Variants in SEC16A observed in about 807,000 individuals in gnomAD.
SEC16A encodes the protein protein transport protein Sec16A.
Under a neutral mutation model 221.9 loss-of-function variants are expected in SEC16A, and 110 were observed. That is an observed-to-expected ratio of 0.50 (90% CI 0.42 to 0.58). The LOEUF is 0.58. Ranked by LOEUF, SEC16A falls within the 20% of genes least tolerant of loss-of-function variation. SEC16A has a pLI of 0.00. For synonymous variants in SEC16A, 1,393 were observed against 1,257.7 expected (o/e 1.11, Z -2.28); for missense variants, 3,165 against 3,097.8 (o/e 1.02, Z -0.52).
chr9:136,482,756 CGG>C (rs770405450), intron 1 of SEC16A, among the ~76,000 whole-genome samples, 180 bp downstream of exon 1: 2,043 of 152,224 alleles, frequency 0.013, 19 homozygotes, highest in Non-Finnish European at 0.023. Context: ...CGCTCTGGCC[CGG>C]GGGCCCGGAC....
In SEC16A at chr9:136,476,985, T is replaced by G. The variant is rs958235841; in HGVS notation, c.631A>C (p.Met211Leu). 2 of 1,613,166 alleles carry G rather than the reference T, an allele frequency of 1.2e-6. No homozygotes were observed. The highest frequency in any genetic ancestry group is 2.7e-5 in the African/African-American group (2 of 74,920). ...SPSLPQPGLQMPGQWGPVQGG... is the reference protein window; with the variant it reads ...SPSLPQPGLQLPGQWGPVQGG... ...TGCACTGGCCCCCACTGTCCTGGCA[T>G]CTGCAGACCAGGCTGAGGGAGGGAA... Residue 211 changes from methionine (M) to leucine (L), a missense_variant, in exon 3 of 32, where the codon ATG becomes CTG. This residue lies in a region of SEC16A where 2,030 missense variants were observed against 1,923.1 expected (regional missense o/e 1.06). Coordinates refer to ENST00000684901, the MANE Select transcript of SEC16A (RefSeq NM_014866.2).
Position 136,447,721 on chromosome 9 carries a change from C to T in SEC16A, c.6448-41G>A. ...CAGCTTCAGACACCCACTGTGTGCA[C>T]AGAAACCCACTGGGATGGCACAGTC... On this transcript the variant is annotated intron_variant, in intron 25 of 31. Coordinates refer to ENST00000684901, the MANE Select transcript of SEC16A (RefSeq NM_014866.2). This position sits in a 1 kb window ranked among gnomAD's most constrained non-coding sequence, Gnocchi z 5.5. 6.4e-7 allele frequency: 1 copy of T among 1,570,300 alleles called. No individual in the cohort carries two copies. The highest frequency in any genetic ancestry group is 2.2e-5 in the East Asian group (1 of 44,586).
intron 5 of SEC16A, among the ~76,000 whole-genome samples, chr9:136,468,144 T>C (rs1840388215): frequency 6.6e-6 from 1 of 152,266 alleles, no homozygotes; most frequent in Non-Finnish European, 1.5e-5. Flanking sequence ...TATGTTCCAC[T>C]AGAAAATCAG....
At chr9:136,442,451 G>C (rs1002271785) in intron 31 of SEC16A, among the ~76,000 whole-genome samples, 2 of 152,244 alleles carry the variant, frequency 1.3e-5, no homozygotes, top group African/African-American at 4.8e-5. Flanking sequence ...GCAGTCAAGA[G>C]TGTGTGAGGC....
At chr9:136,443,563 C>T (rs578217821) in intron 31 of SEC16A, among the ~76,000 whole-genome samples, 3 of 152,314 alleles carry the variant, frequency 2.0e-5, no homozygotes, top group Admixed American at 2.0e-4. Context: ...TGCCTGTAGT[C>T]CCAGCTACTC....
intron 29 of SEC16A, 109 bp from the exon 30 acceptor site, chr9:136,445,220 A>G: frequency 3.2e-6 from 3 of 926,410 alleles, no homozygotes; most frequent in Non-Finnish European, 5.1e-6. Flanking sequence ...TGCCATTAGA[A>G]TCAACATAAC....
Position 136,459,593 on chromosome 9 carries a change from C to T in SEC16A, c.5192-38G>A, listed in dbSNP as rs1167395318. The T allele has an allele frequency of 3.3e-6, 5 of 1,494,510 alleles. No homozygotes were observed. The highest frequency in any genetic ancestry group is 1.7e-4 in the Middle Eastern group (1 of 5,836). The allele number at this position is 1,494,510 out of a possible 1,614,324, so 92.6% of individuals were successfully genotyped here. On this transcript the variant is annotated intron_variant, in intron 15 of 31. Coordinates refer to ENST00000684901, the MANE Select transcript of SEC16A (RefSeq NM_014866.2). This position sits in a 1 kb window ranked among gnomAD's most constrained non-coding sequence, Gnocchi z 6.1. ...GACACGACACACGGCGGGGGCTCAGCGACCGGGAGCGCTTGCAGAAGTCAA... is the reference window on the plus strand; with the variant it reads ...GACACGACACACGGCGGGGGCTCAGTGACCGGGAGCGCTTGCAGAAGTCAA...
At chr9:136,448,992 C>T (rs922478521) in intron 23 of SEC16A, 3 of 617,508 alleles carry the variant, frequency 4.9e-6, no homozygotes, top group Admixed American at 5.6e-5. Flanking sequence ...GAACTGTGCA[C>T]TCAGAAAATG....
In SEC16A at chr9:136,483,017, C is replaced by T. The variant is rs1842612102; in HGVS notation, c.-271G>A. ...TGGCGACGAGCACAGACACCTCAGC[C>T]GCCGCAGCCATCTTGGCACATCCGG... is the stretch of plus-strand genomic sequence containing the variant. On this transcript the variant is annotated 5_prime_UTR_variant, in exon 1 of 32. Coordinates refer to ENST00000684901, the MANE Select transcript of SEC16A (RefSeq NM_014866.2). 4.1e-6 allele frequency: 4 copies of T among 985,146 alleles called. No homozygotes were observed. The highest frequency in any genetic ancestry group is 1.7e-5 in the African/African-American group (1 of 57,212). 61.0% of individuals were successfully genotyped at this position (985,146 alleles called of 1,614,324 possible). A position where few individuals can be genotyped will look rare whatever the true frequency, so the allele number is the denominator to read the frequency against.
chr9:136,445,720 C>A lies in SEC16A; in HGVS notation c.6793-1G>T. ...GGAGTGACGCTGCAGAGCTTAAAACCTGCCGAGGAAAAGAAGAATTGCAGC... is the reference window on the plus strand; with the variant it reads ...GGAGTGACGCTGCAGAGCTTAAAACATGCCGAGGAAAAGAAGAATTGCAGC... On this transcript the variant is annotated splice_acceptor_variant, in intron 28 of 31. Coordinates refer to ENST00000684901, the MANE Select transcript of SEC16A (RefSeq NM_014866.2). LOFTEE classifies it high-confidence loss of function. The A allele has an allele frequency of 6.4e-7, 1 of 1,552,190 alleles. No individual in the cohort carries two copies.
intron 8 of SEC16A, among the ~76,000 whole-genome samples, chr9:136,465,413 T>C (rs1408025445): frequency 2.0e-5 from 3 of 152,190 alleles, no homozygotes; most frequent in African/African-American, 7.2e-5. Context: ...ATCACATCAC[T>C]GCACTCCAGC....
Position 136,469,717 on chromosome 9 carries a change from T to A in SEC16A, c.3705-1205A>T, listed in dbSNP as rs1209054232. Among the ~76,000 whole-genome samples, 3 of 152,332 alleles carry A rather than the reference T, an allele frequency of 2.0e-5. No homozygotes were observed. The East Asian group carries it at 5.8e-4, about 29-fold the overall frequency. The stretch of plus-strand genomic sequence containing the variant: ...TATAATTTTCATACAATATTTAATT[T>A]TTAAAACGTGACCCTTCCCACGCCC... On this transcript the variant is annotated intron_variant, in intron 4 of 31. Transcript: ENST00000684901.
intron 30 of SEC16A, among the ~76,000 whole-genome samples, chr9:136,444,489 A>G (rs998666478): frequency 6.6e-6 from 1 of 152,218 alleles, no homozygotes; most frequent in Non-Finnish European, 1.5e-5. Flanking sequence ...CAGGCCCGTC[A>G]TTGGAAAAAC....
intron 1 of SEC16A, among the ~76,000 whole-genome samples, chr9:136,481,678 A>T (rs950989417): frequency 6.6e-6 from 1 of 152,108 alleles, no homozygotes; most frequent in African/African-American, 2.4e-5. Context: ...AGTGAGGAAA[A>T]CAATAGTGTG....
At chr9:136,472,843 C>G (rs534911289) in intron 3 of SEC16A, among the ~76,000 whole-genome samples, 2 of 152,228 alleles carry the variant, frequency 1.3e-5, no homozygotes, top group African/African-American at 4.8e-5. Context: ...CATCCTTGGC[C>G]ACCCGGACAC....
In SEC16A at chr9:136,457,479, G is replaced by A. The variant is rs983338110; in HGVS notation, c.5515C>T (p.Leu1839=). 22 of 1,607,926 alleles carry A rather than the reference G, an allele frequency of 1.4e-5. No individual in the cohort carries two copies. Among genetic ancestry groups the A allele is most frequent in the Non-Finnish European group, 1.9e-5 (22 of 1,177,226 alleles). ...TGGCTGATCAACACCGGGGAATACA[G>A]GTGCGGCTGCGTCAGGATGCTCTTC... is the stretch of plus-strand genomic sequence containing the variant. ...IAKSILTQPH[L]YSPVLISQLV... is the part of the protein sequence containing the mutation. The change falls in exon 18 of 32, where the codon CTG becomes TTG. Residue 1839 remains leucine (L), a synonymous_variant. Transcript: ENST00000684901.
chr9:136,467,160 A>G lies in SEC16A; in HGVS notation c.3803-77T>C, dbSNP rs1840268070. ...CCTCAGATATCACTAAAGAAGCGAC[A>G]CCACCCCAGGACTTTATGCTCCAAG... On this transcript the variant is annotated intron_variant, in intron 5 of 31. Coordinates refer to ENST00000684901, the MANE Select transcript of SEC16A (RefSeq NM_014866.2). 8.4e-6 allele frequency: 13 copies of G among 1,549,688 alleles called. No homozygotes were observed. In the South Asian group the frequency reaches 1.1e-4, roughly 13 times the overall value.
intron 4 of SEC16A, among the ~76,000 whole-genome samples, chr9:136,469,005 C>T (rs952100998): frequency 3.3e-5 from 5 of 152,148 alleles, no homozygotes. Flanking sequence ...CGCGCTACCA[C>T]ACCTGGCTAA....
In SEC16A at chr9:136,475,043, G is replaced by C. The variant is rs769199760; in HGVS notation, c.2573C>G (p.Ser858Cys). The change falls in exon 3 of 32, where the codon TCC becomes TGC. Residue 858 changes from serine (S) to cysteine (C), a missense_variant. Physicochemically the swap from Ser to Cys is moderately radical, Grantham distance 112 (BLOSUM62 -1). Coordinates refer to ENST00000684901, the MANE Select transcript of SEC16A (RefSeq NM_014866.2). This position sits in a 1 kb window ranked among gnomAD's most constrained non-coding sequence, Gnocchi z 5.0. ...ATCCCCCACCAAAGCCTCTCTCCAG[G>C]ACTGATTCTTCTCATGAGAGTTCGA... is the stretch of plus-strand genomic sequence containing the variant. The part of the protein sequence containing the change: ...SLSNSHEKNQ[S>C]WREALVGDRP... 1.7e-5 allele frequency: 28 copies of C among 1,613,508 alleles called. No homozygotes were observed. Among genetic ancestry groups the C allele is most frequent in the Non-Finnish European group, 2.2e-5 (26 of 1,179,876 alleles).
Sources: allele counts gnomAD v4.1 joint callset (sites outside exome capture counted in the v4.1 genomes callset), GRCh38; gene constraint gnomAD v4.1.1; regional missense constraint gnomAD v4.1.1; non-coding constraint Gnocchi (gnomAD v3.1); transcripts MANE v1.5; gene names NCBI Gene and HGNC (gene_info 2026-07-23, HGNC 2026-07-21).